ACER3: variants seen among roughly 807,000 people sequenced by gnomAD.
ACER3 encodes the protein alkCDase 3.
Under a neutral mutation model 48.9 loss-of-function variants are expected in ACER3, and 16 were observed. That is an observed-to-expected ratio of 0.33 (90% confidence interval 0.22 to 0.50). The LOEUF (loss-of-function observed/expected upper bound fraction) is 0.50. Among genes scored for constraint, ACER3 ranks in the 20% least tolerant of loss-of-function variants. ACER3 has a pLI of 0.98. For synonymous variants in ACER3, 109 were observed against 107.8 expected (o/e 1.01, Z -0.07); for missense variants, 227 against 326.0 (o/e 0.70, Z 2.34).
intron 6 of ACER3, among the ~76,000 whole-genome samples, chr11:76,993,700 T>C (rs1945086): frequency 0.73 from 111,476 of 152,128 alleles, 41,154 homozygotes; most frequent in Non-Finnish European, 0.77. Context: ...AATTTTTCCA[T>C]GGACAGCCAG....
chr11:76,983,111 A>G (rs1246645682), intron 4 of ACER3, among the ~76,000 whole-genome samples: 1 of 152,164 alleles, frequency 6.6e-6, no homozygotes, highest in Non-Finnish European at 1.5e-5. Flanking sequence ...CAATTTTTAC[A>G]AAATAGCCTG....
chr11:76,926,713 G>A (rs1037222854), intron 2 of ACER3, 46 bp downstream of exon 2: 6 of 1,223,232 alleles, frequency 4.9e-6, no homozygotes, highest in East Asian at 2.5e-5. Flanking sequence ...ATTCAAATGG[G>A]CCATTTTTCT....
rs114504251 is a variant in ACER3, at chr11:76,868,625, G to C, written c.103+7546G>C. ...TGTGGGTCACAAGACCCTCATTACA[G>C]AGAGAGTCCTGCCTCATACCCTGGA... On this transcript the variant is annotated intron_variant, in intron 1 of 10. Coordinates refer to ENST00000532485, the MANE Select transcript of ACER3 (RefSeq NM_018367.7). Among the ~76,000 whole-genome samples, 1,400 of 152,304 alleles carry C rather than the reference G, an allele frequency of 9.2e-3. 25 individuals are homozygous for C. Among genetic ancestry groups the C allele is most frequent in the African/African-American group, 0.032 (1,341 of 41,548 alleles).
At chr11:76,933,158 A>G (rs1947056318) in intron 2 of ACER3, among the ~76,000 whole-genome samples, 1 of 111,444 alleles carries the variant, frequency 9.0e-6, no homozygotes, top group African/African-American at 3.1e-5. Flanking sequence ...TGCTTCCCCA[A>G]ATATATACGT....
At position 76,959,072 on chromosome 11, in the gene ACER3, T is replaced by C. The variant is rs142135871; in HGVS notation, c.267+41T>C. The C allele has an allele frequency of 8.9e-4, 1,429 of 1,613,202 alleles. 10 individuals carry two copies. The African/African-American group carries it at 0.017, about 19-fold the overall frequency. On this transcript the variant is annotated intron_variant, in intron 3 of 10. Transcript: ENST00000532485. The stretch of plus-strand genomic sequence containing the variant: ...ATTGACAAATGCTTATTTCTCTTAA[T>C]TCAGAAGTACTTCAGATTTGAGAAA...
intron 1 of ACER3, among the ~76,000 whole-genome samples, chr11:76,867,546 A>G (rs1439015977): frequency 6.6e-6 from 1 of 151,816 alleles, no homozygotes; most frequent in Non-Finnish European, 1.5e-5. Flanking sequence ...AGACAAGTAT[A>G]AACAGGCACA....
At chr11:76,893,887 G>C (rs1219494395) in intron 1 of ACER3, among the ~76,000 whole-genome samples, 9 of 152,116 alleles carry the variant, frequency 5.9e-5, no homozygotes, top group African/African-American at 1.9e-4. Context: ...AAAACTGTGA[G>C]CTTTACCTAA....
At chr11:76,984,589 T>C (rs1948649085) in intron 4 of ACER3, among the ~76,000 whole-genome samples, 1 of 152,238 alleles carries the variant, frequency 6.6e-6, no homozygotes, top group African/African-American at 2.4e-5. Flanking sequence ...AATTGTCTGT[T>C]CATATTTGCT....
At position 76,860,952 on chromosome 11, in the gene ACER3, C is replaced by T. The variant is rs1444976597; in HGVS notation, c.-25C>T. On this transcript the variant is annotated 5_prime_UTR_variant, in exon 1 of 11. Coordinates refer to ENST00000532485, the MANE Select transcript of ACER3 (RefSeq NM_018367.7). Reference sequence around the variant, plus strand: ...CTAACCCGGCACAGTGAGCGGAGCGCCTGGGCGGCGGCGGCGGCGGCGTGA... The same window carrying T: ...CTAACCCGGCACAGTGAGCGGAGCGTCTGGGCGGCGGCGGCGGCGGCGTGA... 1.3e-6 allele frequency: 2 copies of T among 1,508,158 alleles called. No individual in the cohort carries two copies. The highest frequency in any genetic ancestry group is 1.2e-5 in the South Asian group (1 of 82,112). The allele number at this position is 1,508,158 out of a possible 1,614,324, so 93.4% of individuals were successfully genotyped here.
At chr11:76,996,688 G>T (rs1449967832) in intron 6 of ACER3, among the ~76,000 whole-genome samples, 4 of 146,974 alleles carry the variant, frequency 2.7e-5, no homozygotes, top group African/African-American at 1.0e-4. Context: ...CCAAAGTGCT[G>T]GGATTACAGG....
At chr11:76,983,968 T>C (rs553389164) in intron 4 of ACER3, among the ~76,000 whole-genome samples, 1 of 152,262 alleles carries the variant, frequency 6.6e-6, no homozygotes, top group South Asian at 2.1e-4. Context: ...TTTTGTATTT[T>C]TAGTAGAGAT....
Position 76,943,253 on chromosome 11 carries a change from A to T in ACER3, c.215-15726A>T, listed in dbSNP as rs138154671. Among the ~76,000 whole-genome samples, 400 of 151,874 alleles carry T rather than the reference A, an allele frequency of 2.6e-3. 2 individuals carry two copies. The highest frequency in any genetic ancestry group is 9.2e-3 in the African/African-American group (380 of 41,496). The stretch of plus-strand genomic sequence containing the variant: ...TCTAGTTCCTTGAGGTGTGACATGA[A>T]TTGTTAATTTATGATCTTTCTACTT... On this transcript the variant is annotated intron_variant, in intron 2 of 10. Transcript: ENST00000532485.
intron 7 of ACER3, among the ~76,000 whole-genome samples, chr11:77,013,626 G>A (rs529091848): frequency 9.2e-5 from 14 of 152,308 alleles, no homozygotes; most frequent in Admixed American, 5.9e-4. Context: ...TACATGCCTG[G>A]TGGGAATGTA....
chr11:76,922,986 C>T lies in ACER3; in HGVS notation c.104-3571C>T, dbSNP rs1245622169. On this transcript the variant is annotated intron_variant, in intron 1 of 10. Transcript: ENST00000532485. The stretch of plus-strand genomic sequence containing the variant: ...TATTCCCAACGATCTTACTCCCTCT[C>T]CTAAATGGTTTCTGTATTAATTTTT... Among the ~76,000 whole-genome samples the T allele has an allele frequency of 2.6e-5, 4 of 151,972 alleles. No individual in the cohort carries two copies. The South Asian group carries it at 6.2e-4, about 24-fold the overall frequency.
At chr11:77,008,595 G>C (rs12798829) in intron 7 of ACER3, among the ~76,000 whole-genome samples, 1 of 152,166 alleles carries the variant, frequency 6.6e-6, no homozygotes, top group Admixed American at 6.5e-5. Context: ...CTGGATCCCA[G>C]GATAGTGCTT....
At position 77,005,989 on chromosome 11, in the gene ACER3, ATATTT is replaced by A. The variant is rs1389443426; in HGVS notation, c.497+7170_497+7174del. The stretch of plus-strand genomic sequence containing the variant: ...TATATATACATATATATATATATAT[ATATTT>A]TTTTTTTTTTTTGAGCCAGAGTTTC... On this transcript the variant is annotated intron_variant, in intron 7 of 10. Coordinates refer to ENST00000532485, the MANE Select transcript of ACER3 (RefSeq NM_018367.7). 3.1e-3 allele frequency among the ~76,000 whole-genome samples: 289 copies of A among 93,874 alleles called. 5 individuals carry two copies. The highest frequency in any genetic ancestry group is 0.012 in the African/African-American group (276 of 23,200). 61.6% of individuals were successfully genotyped at this position (93,874 alleles called of 152,430 possible).
chr11:76,942,446 T>C (rs1947362714), intron 2 of ACER3, among the ~76,000 whole-genome samples: 1 of 152,102 alleles, frequency 6.6e-6, no homozygotes, highest in Non-Finnish European at 1.5e-5. Context: ...TTCATTCTTT[T>C]TATGTGATGA....
intron 1 of ACER3, among the ~76,000 whole-genome samples, chr11:76,913,581 C>T (rs2134736114): frequency 6.6e-6 from 1 of 152,226 alleles, no homozygotes; most frequent in Non-Finnish European, 1.5e-5. Flanking sequence ...ACATTCCATG[C>T]TCATGGGTAG....
intron 3 of ACER3, among the ~76,000 whole-genome samples, chr11:76,964,268 G>A (rs1165753463): frequency 6.6e-6 from 1 of 151,440 alleles, no homozygotes; most frequent in Non-Finnish European, 1.5e-5. Context: ...GCTGGGGGAG[G>A]GGCGCCTGCC....
Sources: allele counts gnomAD v4.1 joint callset (sites outside exome capture counted in the v4.1 genomes callset), GRCh38; gene constraint gnomAD v4.1.1; transcripts MANE v1.5; gene names NCBI Gene and HGNC (gene_info 2026-07-23, HGNC 2026-07-21).